Variants in PID1 observed in about 807,000 individuals in gnomAD.
PID1 encodes PTB-containing, cubilin and LRP1-interacting protein.
In PID1, 10 loss-of-function variants were observed where a neutral mutation model predicts 19.1. The observed-to-expected ratio is 0.52, with a 90% confidence interval of 0.32 to 0.89. The LOEUF (loss-of-function observed/expected upper bound fraction) is 0.89, where lower values mean the gene tolerates loss of function less well. PID1 is among the 40% of genes least tolerant of loss of function. The pLI is 0.03. For synonymous variants in PID1, 130 were observed against 116.0 expected (o/e 1.12, Z -0.78); for missense variants, 248 against 285.3 (o/e 0.87, Z 0.94).
intron 1 of PID1, among the ~76,000 whole-genome samples, chr2:229,163,306 ATCT>A (rs1381512714): frequency 4.6e-5 from 7 of 152,188 alleles, no homozygotes; most frequent in African/African-American, 1.7e-4. Flanking sequence ...TTTGGCATTT[ATCT>A]TCTTGTTACA....
chr2:229,039,716 G>A (rs941172824), intron 2 of PID1, among the ~76,000 whole-genome samples: 4 of 151,986 alleles, frequency 2.6e-5, no homozygotes, highest in South Asian at 2.1e-4. Context: ...CTCTCTCACC[G>A]GACATACTAA....
At position 229,040,514 on chromosome 2, in the gene PID1, T is replaced by C. The variant is rs139147787; in HGVS notation, c.178-14406A>G. Among the ~76,000 whole-genome samples, 761 of 152,308 alleles carry C rather than the reference T, an allele frequency of 5.0e-3. 2 individuals carry two copies. The highest frequency in any genetic ancestry group is 0.034 in the Middle Eastern group (10 of 294). On this transcript the variant is annotated intron_variant, in intron 2 of 2. Transcript: ENST00000392055. ...GGGATGTGGGAATGGGTAGAAGGCATGAAGAAGTGATACTTCTTTAACTAT... is the reference window on the plus strand; with the variant it reads ...GGGATGTGGGAATGGGTAGAAGGCACGAAGAAGTGATACTTCTTTAACTAT...
At chr2:229,122,619 A>G (rs182892458) in intron 2 of PID1, among the ~76,000 whole-genome samples, 21 of 152,260 alleles carry the variant, frequency 1.4e-4, no homozygotes, top group Non-Finnish European at 2.2e-4. Context: ...TACATTGTTC[A>G]AGCAGGTAGC....
chr2:229,227,479 G>C (rs1249945294), intron 1 of PID1, among the ~76,000 whole-genome samples: 1 of 152,148 alleles, frequency 6.6e-6, no homozygotes, highest in African/African-American at 2.4e-5. Flanking sequence ...ATTTACTGAA[G>C]TTACAGACCT....
chr2:229,198,168 T>C (rs888853286), intron 1 of PID1, among the ~76,000 whole-genome samples: 6 of 152,032 alleles, frequency 3.9e-5, no homozygotes, highest in African/African-American at 1.4e-4. Flanking sequence ...TTCCCGAAAT[T>C]TATTGTCTTT....
chr2:229,101,546 CT>C (rs1695074861), intron 2 of PID1, among the ~76,000 whole-genome samples: 1 of 152,144 alleles, frequency 6.6e-6, no homozygotes, highest in Non-Finnish European at 1.5e-5. Context: ...GGGCCAAATG[CT>C]ATGCAAAATG....
At chr2:229,042,320 T>C (rs1559206459) in intron 2 of PID1, among the ~76,000 whole-genome samples, 1 of 152,312 alleles carries the variant, frequency 6.6e-6, no homozygotes, top group Non-Finnish European at 1.5e-5. Flanking sequence ...TATTTCATAA[T>C]AAAAAGCTAA....
At chr2:229,234,212 G>T (rs928579464) in intron 1 of PID1, among the ~76,000 whole-genome samples, 1 of 152,176 alleles carries the variant, frequency 6.6e-6, no homozygotes, top group African/African-American at 2.4e-5. Context: ...GGCCCTGAAA[G>T]AAATACAAAA....
chr2:229,056,014 C>A (rs936798607), intron 2 of PID1, among the ~76,000 whole-genome samples: 1 of 152,132 alleles, frequency 6.6e-6, no homozygotes, highest in Admixed American at 6.5e-5. Flanking sequence ...TTCAATTAAC[C>A]CTTCATTAAC....
chr2:229,064,476 T>G (rs1694278760), intron 2 of PID1, among the ~76,000 whole-genome samples: 1 of 152,140 alleles, frequency 6.6e-6, no homozygotes, highest in Non-Finnish European at 1.5e-5. Context: ...AGGGAAATGG[T>G]CTGAGCTGCA....
In PID1 at chr2:229,271,063, G is replaced by A. The variant is rs1329306021; in HGVS notation, c.-20C>T. 2 of 1,543,264 alleles carry A rather than the reference G, an allele frequency of 1.3e-6. No individual in the cohort carries two copies. Among genetic ancestry groups the A allele is most frequent in the Non-Finnish European group, 1.7e-6 (2 of 1,144,184 alleles). On this transcript the variant is annotated 5_prime_UTR_variant, in exon 1 of 3. Coordinates refer to ENST00000392055, the MANE Select transcript of PID1 (RefSeq NM_001100818.2). ...CCACATCTTCCAGCCCTGGGTTTTG[G>A]CAGAGGAGACGCTGGCGAGACTGTC...
intron 2 of PID1, among the ~76,000 whole-genome samples, chr2:229,118,144 C>G (rs6709663): frequency 0.81 from 123,784 of 152,124 alleles, 50,437 homozygotes; most frequent in East Asian, 1. Context: ...ATGAATGCAT[C>G]ACAAAGAAAG....
intron 2 of PID1, among the ~76,000 whole-genome samples, chr2:229,087,687 A>AAC (rs1458037061): frequency 6.6e-6 from 1 of 152,184 alleles, no homozygotes; most frequent in Non-Finnish European, 1.5e-5. Flanking sequence ...CACATGATAC[A>AAC]ACACACACAA....
chr2:229,178,037 A>AGT (rs1559270776), intron 1 of PID1, among the ~76,000 whole-genome samples: 2 of 152,074 alleles, frequency 1.3e-5, no homozygotes, highest in African/African-American at 4.8e-5. Flanking sequence ...GCAGCAGCTT[A>AGT]CAGGCCCAAG....
At chr2:229,165,425 C>T (rs572614491) in intron 1 of PID1, among the ~76,000 whole-genome samples, 2 of 152,046 alleles carry the variant, frequency 1.3e-5, no homozygotes, top group South Asian at 2.1e-4. Flanking sequence ...GATGGTGAAA[C>T]CCCATCTTTA....
At chr2:229,177,218 A>ACT (rs1690842308) in intron 1 of PID1, among the ~76,000 whole-genome samples, 1 of 152,194 alleles carries the variant, frequency 6.6e-6, no homozygotes, top group African/African-American at 2.4e-5. Flanking sequence ...GGTAGGAGTT[A>ACT]CAATTCAAGA....
chr2:229,151,833 G>C (rs1230269028), intron 2 of PID1, among the ~76,000 whole-genome samples: 1 of 152,126 alleles, frequency 6.6e-6, no homozygotes, highest in African/African-American at 2.4e-5. Flanking sequence ...GCCTCCCAAA[G>C]TGCTGGGATT....
At position 229,172,274 on chromosome 2, in the gene PID1, T is replaced by C. The variant is rs113051521; in HGVS notation, c.31-16310A>G. Among the ~76,000 whole-genome samples the C allele has an allele frequency of 6.0e-3, 919 of 152,268 alleles. 11 individuals carry two copies. The highest frequency in any genetic ancestry group is 0.021 in the African/African-American group (874 of 41,564). On this transcript the variant is annotated intron_variant, in intron 1 of 2. Transcript: ENST00000392055. ...GACCGGAGGGAATGCACAGGCAAGT[T>C]TGAAATATTGATCAATGAAGCATAT... is the stretch of plus-strand genomic sequence containing the variant.
intron 2 of PID1, among the ~76,000 whole-genome samples, chr2:229,048,541 C>T (rs1338184398): frequency 1.3e-5 from 2 of 151,964 alleles, no homozygotes; most frequent in Non-Finnish European, 2.9e-5. Context: ...AAGGACCAGC[C>T]CAAAATTTGG....
Sources: allele counts gnomAD v4.1 joint callset (sites outside exome capture counted in the v4.1 genomes callset), GRCh38; gene constraint gnomAD v4.1.1; transcripts MANE v1.5; gene names NCBI Gene and HGNC (gene_info 2026-07-23, HGNC 2026-07-21).